NOTCH2: variants seen among roughly 807,000 people sequenced by gnomAD.
NOTCH2 encodes notch receptor 2.
Under a neutral mutation model 235.8 loss-of-function variants are expected in NOTCH2, and 29 were observed. That is an observed-to-expected ratio of 0.12 (90% CI 0.09 to 0.17). NOTCH2 has a LOEUF of 0.17. Among genes scored for constraint, NOTCH2 ranks in the 10% least tolerant of loss-of-function variants. The pLI, the probability that NOTCH2 is intolerant of heterozygous loss-of-function variation, is 1.00. For synonymous variants in NOTCH2, 1,086 were observed against 1,141.5 expected, an observed-to-expected ratio of 0.95 and a Z score of 0.98; for missense variants, 2,285 against 3,150.2, an observed-to-expected ratio of 0.73 and a Z score of 6.57.
intron 10 of NOTCH2, 133 bp downstream of exon 10, chr1:119,965,320 C>T (rs1651094393): frequency 1.2e-6 from 1 of 804,480 alleles, no homozygotes; most frequent in Non-Finnish European, 2.2e-6. Flanking sequence ...TTGTTAGAAA[C>T]AGCTCTTCCT....
In NOTCH2 at chr1:119,963,556, T is replaced by A. The variant is rs1651024304; in HGVS notation, c.1915+18A>T. The A allele has an allele frequency of 6.2e-7, 1 of 1,602,084 alleles. No individual in the cohort carries two copies. Among genetic ancestry groups the A allele is most frequent in the Non-Finnish European group, 8.6e-7 (1 of 1,169,128 alleles). On this transcript the variant is annotated intron_variant, in intron 11 of 33. Transcript: ENST00000256646. ...AACAGTGAAAACCCCATACCAAACATAAACAGAGTGGGCTTACCTGACGTG... is the reference window on the plus strand; with the variant it reads ...AACAGTGAAAACCCCATACCAAACAAAAACAGAGTGGGCTTACCTGACGTG...
rs1449696896 is a variant in NOTCH2 at position 120,005,260 on chromosome 1, A to T, written c.415+69T>A. The T allele has an allele frequency of 5.6e-6, 9 of 1,607,332 alleles. No individual in the cohort carries two copies. In the Admixed American group the frequency reaches 6.7e-5, roughly 12 times the overall value. The stretch of plus-strand genomic sequence containing the variant: ...GGACATTTAAGAGCCAGACACCATG[A>T]TCTAAAAGATGCTAAATAAAGGTAT... On this transcript the variant is annotated intron_variant, in intron 3 of 33. Transcript: ENST00000256646.
At chr1:119,956,560 A>G (rs1239052486) in intron 12 of NOTCH2, among the ~76,000 whole-genome samples, 3 of 152,160 alleles carry the variant, frequency 2.0e-5, no homozygotes, top group Non-Finnish European at 4.4e-5. Flanking sequence ...TAAGTGTTTT[A>G]TTAATAGCTT....
At chr1:119,975,293 C>T (rs1426177370) in intron 5 of NOTCH2, among the ~76,000 whole-genome samples, 2 of 152,142 alleles carry the variant, frequency 1.3e-5, no homozygotes, top group Non-Finnish European at 2.9e-5. Flanking sequence ...AGTAGGGTCA[C>T]CTCCATGCTG....
Position 119,923,792 on chromosome 1 carries a change from T to G in NOTCH2, c.4704A>C (p.Ala1568=), listed in dbSNP as rs1202557772. ...LLQDARSFLR[A]LGTLLHTNLR... The stretch of plus-strand genomic sequence containing the variant: ...GGTTGGTGTGGAGCAGGGTACCCAG[T>G]GCCCGCAAGAAGCTGCGAGCATCCT... Residue 1568 remains alanine, a synonymous_variant, in exon 26 of 34, where the codon GCA becomes GCC. Transcript: ENST00000256646. The G allele has an allele frequency of 1.4e-5, 22 of 1,614,058 alleles. No individual in the cohort carries two copies. The highest frequency in any genetic ancestry group is 1.9e-5 in the Non-Finnish European group (22 of 1,180,034).
At chr1:119,931,920 A>C (rs1193274217) in intron 22 of NOTCH2, among the ~76,000 whole-genome samples, 1 of 150,148 alleles carries the variant, frequency 6.7e-6, no homozygotes, top group Non-Finnish European at 1.5e-5. Flanking sequence ...GTTTTTTTAT[A>C]TCATAGCCAA....
At chr1:119,983,080 TA>T (rs1443839207) in intron 5 of NOTCH2, among the ~76,000 whole-genome samples, 2 of 152,290 alleles carry the variant, frequency 1.3e-5, no homozygotes, top group African/African-American at 4.8e-5. Context: ...TAAAAAGGAA[TA>T]GGGGAAATTA....
In NOTCH2 at chr1:119,920,111, T is replaced by C. The variant is rs1649230630; in HGVS notation, c.5479+118A>G. On this transcript the variant is annotated intron_variant, in intron 30 of 33. Transcript: ENST00000256646. ...TTAAGCATTCATTTCCTCGAGCTGA[T>C]TTAGAGTCTGTGAAATTGGGAAGGG... 6 of 1,107,702 alleles carry C rather than the reference T, an allele frequency of 5.4e-6. No individual in the cohort carries two copies. In the East Asian group the frequency reaches 9.9e-5, roughly 18 times the overall value. 68.6% of individuals were successfully genotyped at this position (1,107,702 alleles called of 1,614,324 possible).
At chr1:119,997,973 CAAA>C (rs4020948) in intron 3 of NOTCH2, among the ~76,000 whole-genome samples, 26 of 117,430 alleles carry the variant, frequency 2.2e-4, no homozygotes, top group African/African-American at 6.6e-4. Flanking sequence ...GACTCTATTT[CAAA>C]AAAAAAAAAA....
chr1:120,007,763 C>T (rs868929556), intron 2 of NOTCH2, among the ~76,000 whole-genome samples: 5 of 151,470 alleles, frequency 3.3e-5, no homozygotes, highest in African/African-American at 4.9e-5. Flanking sequence ...AAATACAATG[C>T]CCCATCCAAA....
chr1:119,995,549 A>C (rs1365711140), intron 4 of NOTCH2: 1 of 152,246 alleles, frequency 6.6e-6, no homozygotes, highest in Non-Finnish European at 1.5e-5. Context: ...AACCCTTAAA[A>C]TGCAAACAAA....
chr1:119,954,935 T>C (rs1650627827), intron 13 of NOTCH2, 105 bp downstream of exon 13: 2 of 1,118,504 alleles, frequency 1.8e-6, no homozygotes, highest in Non-Finnish European at 2.7e-6. Context: ...TCAGCAAAGT[T>C]TCAGCTCAAA....
At chr1:119,953,151 A>T (rs781946842) in intron 14 of NOTCH2, among the ~76,000 whole-genome samples, 3 of 152,314 alleles carry the variant, frequency 2.0e-5, no homozygotes, top group African/African-American at 7.2e-5. Flanking sequence ...GTCTCTACTA[A>T]AAATACAAAA....
Position 119,969,732 on chromosome 1 carries a change from G to A in NOTCH2, c.887C>T (p.Thr296Ile). 6.2e-7 allele frequency: 1 copy of A among 1,614,088 alleles called. No homozygotes were observed. Among genetic ancestry groups the A allele is most frequent in the East Asian group, 2.2e-5 (1 of 44,870 alleles). ...CAGCAGGCATTCATCCACATCCTCT[G>A]TGCAGAACTGTCCTTTTAGGGGGAA... ...CPPQWTGQFCTEDVDECLLQP... is the reference protein window; with the variant it reads ...CPPQWTGQFCIEDVDECLLQP... The change falls in exon 6 of 34, where the codon ACA becomes ATA. Residue 296 changes from threonine to isoleucine, a missense_variant. Around this residue, in one of 6 missense-constraint regions of NOTCH2, gnomAD observed 431 missense variants for 757.8 expected, o/e 0.57. Transcript: ENST00000256646.
chr1:119,936,624 C>G (rs587682035), intron 21 of NOTCH2, among the ~76,000 whole-genome samples: 1 of 152,308 alleles, frequency 6.6e-6, no homozygotes, highest in East Asian at 1.9e-4. Context: ...AATACAGAAG[C>G]TATCGTTGGC....
chr1:119,937,639 A>G (rs1402227347), intron 20 of NOTCH2, among the ~76,000 whole-genome samples, 173 bp from the exon 21 acceptor site: 1 of 152,220 alleles, frequency 6.6e-6, no homozygotes, highest in African/African-American at 2.4e-5. Flanking sequence ...TGAAAGTGGA[A>G]TATACCTTAG....
At chr1:120,027,366 C>CATAT (rs1653899477) in intron 2 of NOTCH2, among the ~76,000 whole-genome samples, 1 of 146,014 alleles carries the variant, frequency 6.8e-6, no homozygotes, top group Admixed American at 6.9e-5. Flanking sequence ...TGAAATTCTC[C>CATAT]ATATATAAGT....
intron 5 of NOTCH2, among the ~76,000 whole-genome samples, chr1:119,981,432 T>C (rs782766989): frequency 6.6e-6 from 1 of 152,216 alleles, no homozygotes; most frequent in Non-Finnish European, 1.5e-5. Context: ...ATATTCCATG[T>C]AGTAGTTGTT....
intron 10 of NOTCH2, among the ~76,000 whole-genome samples, chr1:119,965,245 T>C (rs79323841): frequency 4.0e-4 from 61 of 152,320 alleles, no homozygotes; most frequent in Admixed American, 1.4e-3. Context: ...AATGGAAATA[T>C]CTGGGCCAGA....
Sources: allele counts gnomAD v4.1 joint callset (sites outside exome capture counted in the v4.1 genomes callset), GRCh38; gene constraint gnomAD v4.1.1; regional missense constraint gnomAD v4.1.1; transcripts MANE v1.5; gene names NCBI Gene and HGNC (gene_info 2026-07-23, HGNC 2026-07-21).